The following ITGA8 variants were observed in gnomAD, a reference collection of about 807,000 sequenced individuals.
The protein encoded by ITGA8 is integrin alpha-8.
In ITGA8, 91 loss-of-function variants were observed where a neutral mutation model predicts 142.3. The observed-to-expected ratio is 0.64, with a 90% CI of 0.54 to 0.76. The LOEUF (loss-of-function observed/expected upper bound fraction) is 0.76. Ranked by LOEUF, ITGA8 falls within the 30% of genes least tolerant of loss-of-function variation. The pLI is 0.00. For missense variants in ITGA8, 1,406 were observed against 1,327.7 expected (o/e 1.06, Z -0.92); for synonymous variants, 505 against 485.2 (o/e 1.04, Z -0.54).
intron 12 of ITGA8, among the ~76,000 whole-genome samples, chr10:15,644,736 T>C (rs1833946487): frequency 6.6e-6 from 1 of 150,938 alleles, no homozygotes; most frequent in South Asian, 2.1e-4. Context: ...TCCATGAAAA[T>C]TCTGTAGTAC....
intron 2 of ITGA8, among the ~76,000 whole-genome samples, chr10:15,717,162 T>C (rs1835469548): frequency 6.6e-6 from 1 of 152,186 alleles, no homozygotes; most frequent in Admixed American, 6.5e-5. Flanking sequence ...AAAATACTAA[T>C]CAGATCCTGA....
chr10:15,669,433 A>G (rs991117172), intron 8 of ITGA8, among the ~76,000 whole-genome samples: 2 of 152,000 alleles, frequency 1.3e-5, no homozygotes, highest in Non-Finnish European at 2.9e-5. Flanking sequence ...GTTTTTTTCC[A>G]AAGCTTTTAC....
intron 13 of ITGA8, among the ~76,000 whole-genome samples, chr10:15,618,314 A>C (rs180717735): frequency 1.2e-3 from 179 of 152,368 alleles, no homozygotes; most frequent in African/African-American, 4.1e-3. Context: ...ATAATTGGTT[A>C]ATTCTAGCAC....
chr10:15,709,579 A>G (rs971654005), intron 2 of ITGA8, among the ~76,000 whole-genome samples: 3 of 152,232 alleles, frequency 2.0e-5, no homozygotes, highest in Admixed American at 6.5e-5. Context: ...AATGCCTTCC[A>G]TATTTTAAGG....
intron 25 of ITGA8, among the ~76,000 whole-genome samples, chr10:15,566,221 G>C (rs1202710678): frequency 6.6e-6 from 1 of 152,092 alleles, no homozygotes; most frequent in Non-Finnish European, 1.5e-5. Context: ...GACTGGTCTG[G>C]TTCAGGAGAC....
chr10:15,520,821 A>C (rs189375815), intron 28 of ITGA8, among the ~76,000 whole-genome samples: 58 of 152,328 alleles, frequency 3.8e-4, no homozygotes, highest in African/African-American at 1.4e-3. Context: ...TGAAAGGATC[A>C]TTTCAATCCT....
chr10:15,700,364 C>T lies in ITGA8; in HGVS notation c.344-12326G>A, dbSNP rs564542757. Among the ~76,000 whole-genome samples the T allele has an allele frequency of 3.9e-5, 6 of 152,314 alleles. No individual in the cohort carries two copies. The South Asian group carries it at 1.0e-3, about 26-fold the overall frequency. ...CCCCATGCTCCTCAACCTGCAGACA[C>T]ACCAACTTCCTGTCCTGTGAACACA... On this transcript the variant is annotated intron_variant, in intron 2 of 29. Transcript: ENST00000378076.
intron 2 of ITGA8, among the ~76,000 whole-genome samples, chr10:15,711,662 A>G (rs1317265537): frequency 6.6e-6 from 1 of 151,898 alleles, no homozygotes; most frequent in African/African-American, 2.4e-5. Context: ...CCCCCCCAAA[A>G]GATTCCCTGC....
At chr10:15,717,398 T>A (rs1201550503) in intron 2 of ITGA8, among the ~76,000 whole-genome samples, 1 of 152,198 alleles carries the variant, frequency 6.6e-6, no homozygotes, top group African/African-American at 2.4e-5. Flanking sequence ...TGTGTTTAAA[T>A]GTTTAATTCT....
Position 15,605,789 on chromosome 10 carries a change from A to G in ITGA8, c.1905T>C (p.Ala635=), listed in dbSNP as rs533054613. ...CTTCTCCACAGTCCACCAGAATGTGAGCCTGTGTTGTATAAACGCACGTCA... is the reference window on the plus strand; with the variant it reads ...CTTCTCCACAGTCCACCAGAATGTGGGCCTGTGTTGTATAAACGCACGTCA... ...YYRENIVSEQ[A]HILVDCGEDN... is the part of the protein sequence containing the mutation. Residue 635 remains alanine (A), a splice_region_variant and synonymous_variant, in exon 19 of 30, where the codon GCT becomes GCC. Transcript: ENST00000378076. The G allele has an allele frequency of 6.2e-7, 1 of 1,613,218 alleles. No homozygotes were observed. Among genetic ancestry groups the G allele is most frequent in the African/African-American group, 1.3e-5 (1 of 75,036 alleles).
At chr10:15,547,309 T>C (rs56981529) in intron 27 of ITGA8, among the ~76,000 whole-genome samples, 8,393 of 152,238 alleles carry the variant, frequency 0.055, 740 homozygotes, top group African/African-American at 0.19. Flanking sequence ...CAATGGCTCA[T>C]GCTTGTAATC....
chr10:15,567,099 G>A (rs979173953), intron 25 of ITGA8, among the ~76,000 whole-genome samples: 5 of 150,424 alleles, frequency 3.3e-5, no homozygotes, highest in Non-Finnish European at 7.4e-5. Flanking sequence ...AGGTTGCAGT[G>A]AGCTGAGATT....
chr10:15,630,831 A>T (rs1003749352), intron 13 of ITGA8, among the ~76,000 whole-genome samples: 37 of 151,968 alleles, frequency 2.4e-4, no homozygotes, highest in Admixed American at 2.0e-3. Context: ...CCTATTTTTT[A>T]AAAAAAGCCT....
At chr10:15,672,803 C>A (rs1834551575) in intron 6 of ITGA8, 54 bp from the exon 7 acceptor site, 1 of 1,495,402 alleles carries the variant, frequency 6.7e-7, no homozygotes, top group African/African-American at 1.4e-5. Context: ...GGCAGGCCCT[C>A]CATGAGCAGA....
At chr10:15,535,947 G>A (rs1833425787) in intron 27 of ITGA8, among the ~76,000 whole-genome samples, 1 of 151,668 alleles carries the variant, frequency 6.6e-6, no homozygotes, top group Admixed American at 6.6e-5. Flanking sequence ...CAAACCCACC[G>A]GGAGGAACGA....
intron 21 of ITGA8, among the ~76,000 whole-genome samples, chr10:15,595,462 G>T (rs573227973): frequency 1.5e-4 from 23 of 152,238 alleles, no homozygotes; most frequent in African/African-American, 5.3e-4. Flanking sequence ...TTTTACTATA[G>T]ACCTCAGAGA....
rs1200064448 is a variant in ITGA8 at position 15,516,328 on chromosome 10, T to C, written c.*830A>G. 4 of 152,214 alleles carry C rather than the reference T, an allele frequency of 2.6e-5. No homozygotes were observed. Among genetic ancestry groups the C allele is most frequent in the Admixed American group, 2.0e-4 (3 of 15,284 alleles). The allele number at this position is 152,214 out of a possible 1,614,324, so 9.4% of individuals were successfully genotyped here. Reference sequence around the variant, plus strand: ...TAAGCAGATGTGAGTCCCTGGATAATGTGAGTGAAAGGAATTTCAGATGGA... The same window carrying C: ...TAAGCAGATGTGAGTCCCTGGATAACGTGAGTGAAAGGAATTTCAGATGGA... On this transcript the variant is annotated 3_prime_UTR_variant, in exon 30 of 30. Transcript: ENST00000378076.
Position 15,531,170 on chromosome 10 carries a change from A to T in ITGA8, c.2881-19T>A. The T allele has an allele frequency of 8.0e-7, 1 of 1,242,566 alleles. No homozygotes were observed. Among genetic ancestry groups the T allele is most frequent in the Non-Finnish European group, 1.1e-6 (1 of 908,966 alleles). The allele number at this position is 1,242,566 out of a possible 1,614,324, so 77.0% of individuals were successfully genotyped here. On this transcript the variant is annotated intron_variant, in intron 27 of 29. Transcript: ENST00000378076. ...TTTTTCTCTGAAAGTAAAAGTATTT[A>T]TTTAAATATATTTCATATAAAGTTT...
chr10:15,532,682 G>C (rs1050885696), intron 27 of ITGA8, among the ~76,000 whole-genome samples: 3 of 151,916 alleles, frequency 2.0e-5, no homozygotes, highest in African/African-American at 4.8e-5. Flanking sequence ...ACAATGGTTC[G>C]ATCTACCCAG....
Sources: gnomAD v4.1 joint callset for allele counts (sites outside exome capture counted in the v4.1 genomes callset) on GRCh38, gnomAD v4.1.1 for gene constraint, MANE v1.5 for transcripts, NCBI Gene and HGNC (gene_info 2026-07-23, HGNC 2026-07-21) for gene names.